The following PIK3R3 variants were observed in gnomAD, a reference collection of about 807,000 sequenced individuals.
PIK3R3 encodes phosphoinositide-3-kinase regulatory subunit 3, also known as phosphatidylinositol 3-kinase regulatory subunit gamma.
A neutral mutation model predicts 62.9 loss-of-function variants in PIK3R3; 64 were observed. That is an observed-to-expected ratio of 1.02 (90% confidence interval 0.83 to 1.25). The LOEUF (loss-of-function observed/expected upper bound fraction) is 1.25. PIK3R3 is among the 50% of genes most tolerant of loss of function. The pLI is 0.00. For missense variants in PIK3R3, 614 were observed against 561.6 expected (o/e 1.09, Z -0.94); for synonymous variants, 165 against 189.0 (o/e 0.87, Z 1.04).
At chr1:46,147,635 G>A in the PIK3R3 span, among the ~76,000 whole-genome samples, 1 of 148,884 alleles carries the variant, frequency 6.7e-6, no homozygotes, top group East Asian at 2.0e-4. Context: ...TAGCCGGGAC[G>A]GTCTCGATCT....
chr1:46,167,052 C>G, the PIK3R3 span, among the ~76,000 whole-genome samples: 6 of 152,260 alleles, frequency 3.9e-5, no homozygotes, highest in South Asian at 4.1e-4. Context: ...CCCCACCCCG[C>G]GACTACCTGC....
chr1:46,109,872 C>T (rs904029868), intron 1 of PIK3R3, among the ~76,000 whole-genome samples: 7 of 152,154 alleles, frequency 4.6e-5, no homozygotes, highest in African/African-American at 1.7e-4. Context: ...AAGAGTTCCA[C>T]CACCACATAC....
chr1:46,166,450 T>C, the PIK3R3 span, among the ~76,000 whole-genome samples: 3 of 151,778 alleles, frequency 2.0e-5, no homozygotes, highest in Admixed American at 2.0e-4. Flanking sequence ...CTCCAACTCC[T>C]GGCCTCAAGT....
the PIK3R3 span, among the ~76,000 whole-genome samples, chr1:46,170,911 T>A: frequency 6.6e-6 from 1 of 152,266 alleles, no homozygotes; most frequent in Non-Finnish European, 1.5e-5. Context: ...AACTCAGTAA[T>A]GCCACAATTC....
At chr1:46,097,889 C>CAAA (rs1232804003) in intron 1 of PIK3R3, among the ~76,000 whole-genome samples, 1 of 43,178 alleles carries the variant, frequency 2.3e-5, no homozygotes, top group Admixed American at 2.3e-4. Context: ...AACTCCATCT[C>CAAA]AAAAAAAAAA....
chr1:46,089,564 A>C lies in PIK3R3; in HGVS notation c.107-8814T>G, dbSNP rs72480606. Among the ~76,000 whole-genome samples the C allele has an allele frequency of 3.5e-3, 536 of 152,140 alleles. 6 individuals are homozygous for C. Among genetic ancestry groups the C allele is most frequent in the East Asian group, 0.034 (174 of 5,160 alleles). ...CCCCATCTCTACTAAAAATGTAAAA[A>C]ATTAGCCAAGTGTGGTGGTGTGTGC... On this transcript the variant is annotated intron_variant, in intron 1 of 9. Coordinates refer to ENST00000262741, the MANE Select transcript of PIK3R3 (RefSeq NM_003629.4).
intron 7 of PIK3R3, among the ~76,000 whole-genome samples, chr1:46,051,684 C>T (rs926152095): frequency 1.3e-5 from 2 of 151,960 alleles, no homozygotes; most frequent in African/African-American, 2.4e-5. Context: ...TTGTTATGGC[C>T]GTTATTATTT....
chr1:46,125,622 T>C (rs1655023290), intron 1 of PIK3R3, among the ~76,000 whole-genome samples: 1 of 152,220 alleles, frequency 6.6e-6, no homozygotes, highest in Admixed American at 6.5e-5. Flanking sequence ...ATACCAAGTA[T>C]GTCAAGGTAA....
chr1:46,092,260 C>T (rs1011395341), intron 1 of PIK3R3, among the ~76,000 whole-genome samples: 1 of 152,204 alleles, frequency 6.6e-6, no homozygotes, highest in Non-Finnish European at 1.5e-5. Context: ...GAGACCTGGG[C>T]AACTATGTTT....
rs974361128 is a variant in PIK3R3, at chr1:46,044,231, T to C, written c.1188-360A>G. Among the ~76,000 whole-genome samples, 4 of 151,826 alleles carry C rather than the reference T, an allele frequency of 2.6e-5. No homozygotes were observed. Among genetic ancestry groups the C allele is most frequent in the East Asian group, 1.9e-4 (1 of 5,168 alleles). ...GCCGGGACTACAGGTGTGAGCCACA[T>C]GCCCAGCTACTTTTTTATTTTTAGT... is the stretch of plus-strand genomic sequence containing the variant. On this transcript the variant is annotated intron_variant, in intron 9 of 9. Coordinates refer to ENST00000262741, the MANE Select transcript of PIK3R3 (RefSeq NM_003629.4). This position sits in a 1 kb window ranked among gnomAD's most constrained non-coding sequence, Gnocchi z 4.2.
chr1:46,171,491 GAGGA>G, the PIK3R3 span, among the ~76,000 whole-genome samples: 1 of 152,214 alleles, frequency 6.6e-6, no homozygotes, highest in African/African-American at 2.4e-5. Flanking sequence ...CCCCAGAGGT[GAGGA>G]AGGAACAGAG....
intron 1 of PIK3R3, among the ~76,000 whole-genome samples, chr1:46,092,849 T>C (rs1279071615): frequency 6.6e-6 from 1 of 152,120 alleles, no homozygotes; most frequent in Non-Finnish European, 1.5e-5. Context: ...TACTATCATC[T>C]CTTTTGCTCT....
chr1:46,153,552 G>A, the PIK3R3 span, among the ~76,000 whole-genome samples: 1 of 152,224 alleles, frequency 6.6e-6, no homozygotes, highest in Non-Finnish European at 1.5e-5. Flanking sequence ...GCCTCCTTAA[G>A]GCTGGTGTGA....
chr1:46,063,674 T>C (rs1330658074), intron 5 of PIK3R3, among the ~76,000 whole-genome samples: 2 of 152,172 alleles, frequency 1.3e-5, no homozygotes, highest in Non-Finnish European at 2.9e-5. Context: ...ACCAAAACTA[T>C]AAACCTACCT....
At chr1:46,109,885 G>A (rs1002955083) in intron 1 of PIK3R3, among the ~76,000 whole-genome samples, 1 of 152,046 alleles carries the variant, frequency 6.6e-6, no homozygotes, top group Admixed American at 6.6e-5. Context: ...CCACATACAG[G>A]ATAAAGTTCA....
intron 1 of PIK3R3, among the ~76,000 whole-genome samples, chr1:46,117,002 A>C (rs1654243323): frequency 6.6e-6 from 1 of 152,222 alleles, no homozygotes; most frequent in African/African-American, 2.4e-5. Context: ...AATTATTCTC[A>C]GAAAGCAAGA....
chr1:46,102,864 T>C (rs946852350), intron 1 of PIK3R3, among the ~76,000 whole-genome samples: 4 of 132,852 alleles, frequency 3.0e-5, no homozygotes, highest in Admixed American at 7.9e-5. Context: ...GACATTATAG[T>C]AGCAGACCTA....
chr1:46,066,096 T>C lies in PIK3R3; in HGVS notation c.579A>G (p.Lys193=), dbSNP rs1372114403. ...EYHSQYQEKS[K]EYDRLYEEYT... ...ATTCTTCATACAGCCTATCATACTC[T>C]TTACTCTTCTCCTGATACTGAGAGT... Residue 193 remains lysine, a synonymous_variant, in exon 5 of 10, where the codon AAA becomes AAG. Transcript: ENST00000262741. The C allele has an allele frequency of 6.2e-7, 1 of 1,606,114 alleles. No homozygotes were observed. Among genetic ancestry groups the C allele is most frequent in the Admixed American group, 1.7e-5 (1 of 60,000 alleles).
intron 1 of PIK3R3, among the ~76,000 whole-genome samples, chr1:46,093,387 T>C (rs1041348348): frequency 6.6e-6 from 1 of 152,226 alleles, no homozygotes; most frequent in African/African-American, 2.4e-5. Context: ...GTAAGGGATT[T>C]GCAATGCCCC....
Sources: gnomAD v4.1 joint callset for allele counts (sites outside exome capture counted in the v4.1 genomes callset) on GRCh38, gnomAD v4.1.1 for gene constraint, Gnocchi (gnomAD v3.1) non-coding constraint, MANE v1.5 for transcripts, NCBI Gene and HGNC (gene_info 2026-07-23, HGNC 2026-07-21) for gene names.